Variants in GARIN1A observed in about 807,000 individuals in gnomAD.
GARIN1A encodes the protein Golgi-associated RAB2 interactor protein 1A.
the GARIN1A span, chr7:128,680,175 A>C: frequency 7.2e-7 from 1 of 1,380,908 alleles, no homozygotes; most frequent in East Asian, 2.6e-5. Flanking sequence ...GGTCAGCTCC[A>C]GATCCCTTCC....
the GARIN1A span, among the ~76,000 whole-genome samples, chr7:128,671,722 C>T: frequency 6.6e-6 from 1 of 151,814 alleles, no homozygotes; most frequent in East Asian, 1.9e-4. Flanking sequence ...ATGTAACAAC[C>T]AGCTCTCGTG....
At chr7:128,682,227 G>GT in the GARIN1A span, among the ~76,000 whole-genome samples, 1 of 152,110 alleles carries the variant, frequency 6.6e-6, no homozygotes, top group Non-Finnish European at 1.5e-5. Flanking sequence ...CTCTCCCCAC[G>GT]TGACAACCCA....
the GARIN1A span, among the ~76,000 whole-genome samples, chr7:128,704,692 C>T: frequency 2.0e-5 from 3 of 152,130 alleles, no homozygotes; most frequent in South Asian, 2.1e-4. Context: ...CTAACGCCGC[C>T]GCTGATCTGA....
the GARIN1A span, among the ~76,000 whole-genome samples, chr7:128,671,645 C>CAAAA: frequency 2.3e-4 from 28 of 120,228 alleles, no homozygotes; most frequent in Admixed American, 1.0e-3. Flanking sequence ...AACTCTGTCT[C>CAAAA]AAAAAAAAAA....
the GARIN1A span, among the ~76,000 whole-genome samples, chr7:128,673,458 G>A: frequency 1.3e-5 from 2 of 152,202 alleles, no homozygotes; most frequent in Non-Finnish European, 2.9e-5. Context: ...TGAGATTTTG[G>A]TAAGTGGAAG....
the GARIN1A span, among the ~76,000 whole-genome samples, chr7:128,696,165 G>A: frequency 6.6e-6 from 1 of 151,642 alleles, no homozygotes; most frequent in South Asian, 2.1e-4. Flanking sequence ...GGTGAGCAAC[G>A]ATGCCTGGCT....
the GARIN1A span, among the ~76,000 whole-genome samples, chr7:128,689,895 C>A: frequency 6.6e-6 from 1 of 152,020 alleles, no homozygotes; most frequent in Non-Finnish European, 1.5e-5. Flanking sequence ...GCCACCACCC[C>A]GTCTGGGAGG....
At chr7:128,671,705 C>T in the GARIN1A span, among the ~76,000 whole-genome samples, 1 of 151,658 alleles carries the variant, frequency 6.6e-6, no homozygotes, top group Non-Finnish European at 1.5e-5. Context: ...TTGTAGCATT[C>T]CTGAAAATGT....
chr7:128,674,788 A>G, the GARIN1A span, among the ~76,000 whole-genome samples: 1 of 152,064 alleles, frequency 6.6e-6, no homozygotes, highest in African/African-American at 2.4e-5. Flanking sequence ...AATGGTGTCG[A>G]TAGTTTTACA....
the GARIN1A span, among the ~76,000 whole-genome samples, chr7:128,696,045 CTCTA>C: frequency 3.2e-5 from 4 of 126,638 alleles, no homozygotes; most frequent in Non-Finnish European, 6.3e-5. Context: ...CAAGGTCTCA[CTCTA>C]TCACCCAGGC....
chr7:128,702,950 G>A, the GARIN1A span, among the ~76,000 whole-genome samples: 1 of 152,216 alleles, frequency 6.6e-6, no homozygotes, highest in Non-Finnish European at 1.5e-5. Flanking sequence ...CAGCCATAAG[G>A]AGGGCATTAT....
chr7:128,695,898 A>G, the GARIN1A span, among the ~76,000 whole-genome samples: 1 of 152,040 alleles, frequency 6.6e-6, no homozygotes, highest in South Asian at 2.1e-4. This position sits in a 1 kb window ranked among gnomAD's most constrained non-coding sequence, Gnocchi z 4.5. Flanking sequence ...CCATACCTAT[A>G]CTACACATTG....
chr7:128,675,884 A>C, the GARIN1A span: 1 of 1,181,958 alleles, frequency 8.5e-7, no homozygotes, highest in Non-Finnish European at 1.2e-6. Context: ...GAGGGCGGGA[A>C]GGGATGGAAT....
the GARIN1A span, among the ~76,000 whole-genome samples, chr7:128,679,199 CT>C: frequency 4.5e-4 from 65 of 144,926 alleles, no homozygotes; most frequent in Admixed American, 4.2e-4. Flanking sequence ...TAAAATTAAA[CT>C]TTTTTTTTTT....
At chr7:128,705,186 A>G in the GARIN1A span, among the ~76,000 whole-genome samples, 3 of 152,338 alleles carry the variant, frequency 2.0e-5, no homozygotes, top group Admixed American at 2.0e-4. Context: ...TAAAGCTGCT[A>G]GAAACATTTC....
At chr7:128,682,029 A>C in the GARIN1A span, among the ~76,000 whole-genome samples, 3 of 151,932 alleles carry the variant, frequency 2.0e-5, no homozygotes, top group Admixed American at 1.3e-4. Context: ...TACAGTCCAC[A>C]TCTGGTCCTC....
At chr7:128,675,191 G>C in the GARIN1A span, among the ~76,000 whole-genome samples, 1 of 152,142 alleles carries the variant, frequency 6.6e-6, no homozygotes, top group East Asian at 1.9e-4. Flanking sequence ...TCAAGACCCA[G>C]CAACAAGATA....
At chr7:128,677,525 C>G in the GARIN1A span, 102 of 1,106,872 alleles carry the variant, frequency 9.2e-5, no homozygotes, top group East Asian at 2.9e-3. Context: ...AAAAAAGAAA[C>G]CACGGGCTCT....
At chr7:128,690,335 TC>T in the GARIN1A span, 2 of 167,102 alleles carry the variant, frequency 1.2e-5, no homozygotes, top group Non-Finnish European at 2.5e-5. Flanking sequence ...CTGCTGACCT[TC>T]CCTCTACTAT....
Sources: allele counts gnomAD v4.1 joint callset (sites outside exome capture counted in the v4.1 genomes callset), GRCh38; gene constraint gnomAD v4.1.1; non-coding constraint Gnocchi (gnomAD v3.1); transcripts MANE v1.5; gene names NCBI Gene and HGNC (gene_info 2026-07-23, HGNC 2026-07-21).